IFI44: variants seen among roughly 807,000 people sequenced by gnomAD.
IFI44 encodes the protein interferon-induced protein 44.
IFI44 carries 42 observed loss-of-function variants against 45.0 expected under a neutral mutation model. That is an observed-to-expected ratio of 0.93 (90% CI 0.73 to 1.21). IFI44 has a LOEUF of 1.21. Ranked by LOEUF, IFI44 falls within the 50% of genes most tolerant of loss-of-function variation. The probability of loss-of-function intolerance (pLI) is 0.00; values close to 1 mark genes in which losing one functional copy is unlikely to be tolerated. For synonymous variants in IFI44, 221 were observed against 188.6 expected, an observed-to-expected ratio of 1.17 and a Z score of -1.41; for missense variants, 623 against 525.8, an observed-to-expected ratio of 1.18 and a Z score of -1.81.
Position 78,662,889 on chromosome 1 carries a change from T to C in IFI44, c.1288+11T>C. On this transcript the variant is annotated intron_variant, in intron 8 of 8. Transcript: ENST00000370747. ...CTTTTGAGCAAATAGGTAGATGGTT[T>C]GGTGGTGTGGAAGCTTGGAAGCGGT... is the stretch of plus-strand genomic sequence containing the variant. The C allele has an allele frequency of 6.2e-7, 1 of 1,613,464 alleles. No homozygotes were observed. The highest frequency in any genetic ancestry group is 1.1e-5 in the South Asian group (1 of 91,052).
chr1:78,654,346 C>T lies in IFI44; in HGVS notation c.494+67C>T, dbSNP rs1417296891. On this transcript the variant is annotated intron_variant, in intron 3 of 8. Transcript: ENST00000370747. ...CTTTGACTTATTCTATGATAGGTCT[C>T]ATCAATATAATTGGCAACACATATT... 5 of 832,148 alleles carry T rather than the reference C, an allele frequency of 6.0e-6. No homozygotes were observed. The East Asian group carries it at 1.3e-4, about 21-fold the overall frequency. 51.5% of individuals were successfully genotyped at this position (832,148 alleles called of 1,614,324 possible).
intron 2 of IFI44, among the ~76,000 whole-genome samples, chr1:78,653,986 T>C (rs895798465): frequency 1.3e-5 from 2 of 152,128 alleles, no homozygotes; most frequent in Non-Finnish European, 2.9e-5. Context: ...TACTGTTGAG[T>C]AATTGAATGA....
At chr1:78,658,000 T>C (rs1647264800) in intron 5 of IFI44, among the ~76,000 whole-genome samples, 2 of 152,074 alleles carry the variant, frequency 1.3e-5, no homozygotes, top group South Asian at 4.1e-4. Flanking sequence ...GTGTGGGGCA[T>C]TAGAAATGCT....
At chr1:78,663,077 T>C in intron 8 of IFI44, 199 bp downstream of exon 8, 1 of 985,348 alleles carries the variant, frequency 1.0e-6, no homozygotes, top group South Asian at 4.7e-5. Flanking sequence ...TACTAGAGAA[T>C]CTGCACTATG....
At chr1:78,656,537 C>A (rs1297015946) in intron 5 of IFI44, among the ~76,000 whole-genome samples, 1 of 151,968 alleles carries the variant, frequency 6.6e-6, no homozygotes, top group African/African-American at 2.4e-5. Flanking sequence ...ACTATATTAT[C>A]TAATTGCTTT....
At chr1:78,663,529 C>T in intron 8 of IFI44, 1 of 984,884 alleles carries the variant, frequency 1.0e-6, no homozygotes, top group South Asian at 4.7e-5. Flanking sequence ...GAAATCAATT[C>T]AGAATATCAC....
At position 78,662,812 on chromosome 1, in the gene IFI44, T is replaced by C; in HGVS notation, c.1222T>C (p.Ser408Pro). The C allele has an allele frequency of 6.2e-7, 1 of 1,613,986 alleles. No individual in the cohort carries two copies. Among genetic ancestry groups the C allele is most frequent in the Non-Finnish European group, 8.5e-7 (1 of 1,179,912 alleles). Residue 408 changes from serine to proline, a missense_variant, in exon 8 of 9, where the codon TCT (serine) becomes CCT (proline). By Grantham distance (74) the Ser-to-Pro change is moderately conservative (BLOSUM62 -1). Coordinates refer to ENST00000370747, the MANE Select transcript of IFI44 (RefSeq NM_006417.5). ...CCCTGTAAAGGATGTTCTAATTCTT[T>C]CTGCTCTGAGACGAATGCTATGGGC... ...LDPVKDVLIL[S>P]ALRRMLWAAD... is the part of the protein sequence containing the mutation.
Position 78,659,293 on chromosome 1 carries a change from C to T in IFI44, c.841-19C>T. 1 of 1,589,000 alleles carries T rather than the reference C, an allele frequency of 6.3e-7. No individual in the cohort carries two copies. ...AAATATTTGTTGAATTAATATCTTGCTTTATGTCTACCTTACAGTTTAATC... is the reference window on the plus strand; with the variant it reads ...AAATATTTGTTGAATTAATATCTTGTTTTATGTCTACCTTACAGTTTAATC... On this transcript the variant is annotated intron_variant, in intron 5 of 8. Coordinates refer to ENST00000370747, the MANE Select transcript of IFI44 (RefSeq NM_006417.5).
At chr1:78,651,115 C>T (rs867516228) in intron 2 of IFI44, among the ~76,000 whole-genome samples, 2 of 152,152 alleles carry the variant, frequency 1.3e-5, no homozygotes, top group Non-Finnish European at 2.9e-5. Flanking sequence ...CACCAGGGAC[C>T]AGTTTCGTGG....
Position 78,650,495 on chromosome 1 carries a change from G to C in IFI44, c.300G>C (p.Leu100=), listed in dbSNP as rs940622382. 4 of 1,614,018 alleles carry C rather than the reference G, an allele frequency of 2.5e-6. No individual in the cohort carries two copies. The highest frequency in any genetic ancestry group is 2.2e-5 in the East Asian group (1 of 44,852). ...TAGGACTATGTACACCAGAAACACT[G>C]TTTTGTTGTGATGTTACAAAATATA... ...WKLGLCTPET[L]FCCDVTKYNS... The change falls in exon 2 of 9, where the codon CTG becomes CTC. Residue 100 remains leucine (L), a synonymous_variant. Coordinates refer to ENST00000370747, the MANE Select transcript of IFI44 (RefSeq NM_006417.5).
chr1:78,657,610 C>A (rs1450269552), intron 5 of IFI44, among the ~76,000 whole-genome samples: 1 of 152,052 alleles, frequency 6.6e-6, no homozygotes, highest in African/African-American at 2.4e-5. Context: ...ATTCTTTCAC[C>A]ATTTCACATA....
At chr1:78,657,382 G>A (rs1647239759) in intron 5 of IFI44, among the ~76,000 whole-genome samples, 1 of 151,958 alleles carries the variant, frequency 6.6e-6, no homozygotes, top group African/African-American at 2.4e-5. Flanking sequence ...ATCCCTCGGG[G>A]TAGTTTTACA....
chr1:78,657,295 C>A (rs1169261902), intron 5 of IFI44, among the ~76,000 whole-genome samples: 1 of 151,958 alleles, frequency 6.6e-6, no homozygotes, highest in Non-Finnish European at 1.5e-5. Context: ...ATATCCCTTG[C>A]TTTTTCCTTA....
chr1:78,661,886 G>A (rs1444533477), intron 7 of IFI44, among the ~76,000 whole-genome samples: 2 of 152,180 alleles, frequency 1.3e-5, no homozygotes, highest in Non-Finnish European at 2.9e-5. Context: ...AAGTCAGCAT[G>A]TTTGGGAAAT....
chr1:78,650,863 C>G (rs1448986831), intron 2 of IFI44, among the ~76,000 whole-genome samples: 1 of 152,140 alleles, frequency 6.6e-6, no homozygotes, highest in African/African-American at 2.4e-5. Context: ...AAGATTTATC[C>G]TCTTAGCACA....
intron 1 of IFI44, 42 bp downstream of exon 1, chr1:78,649,947 GTCTC>G: frequency 2.9e-6 from 1 of 343,460 alleles, no homozygotes; most frequent in Non-Finnish European, 5.3e-6. Flanking sequence ...GCTAGCATTA[GTCTC>G]TCTCTGTCTC....
At chr1:78,652,143 A>G (rs879584462) in intron 2 of IFI44, among the ~76,000 whole-genome samples, 17 of 152,010 alleles carry the variant, frequency 1.1e-4, no homozygotes, top group Non-Finnish European at 2.1e-4. Flanking sequence ...GCGCAGTGGC[A>G]TGATCTCAGC....
intron 8 of IFI44, 69 bp from the exon 9 acceptor site, chr1:78,663,695 AT>A (rs1647602578): frequency 1.3e-6 from 2 of 1,584,150 alleles, no homozygotes; most frequent in East Asian, 4.5e-5. Context: ...CAGTGGTCCA[AT>A]ATTCCTCTTC....
In IFI44 at chr1:78,650,314, T is replaced by C. The variant is rs1434470165; in HGVS notation, c.119T>C (p.Leu40Ser). Reference sequence around the variant, plus strand: ...GTCCATGGATTCCGTAATGGAGTTTTGCTTGACAGATGTTGTAATCAAGGG... The same window carrying C: ...GTCCATGGATTCCGTAATGGAGTTTCGCTTGACAGATGTTGTAATCAAGGG... Reference protein sequence around the residue: ...GSVHGFRNGVLLDRCCNQGPT... With the variant: ...GSVHGFRNGVSLDRCCNQGPT... The change falls in exon 2 of 9, where the codon TTG (leucine) becomes TCG (serine). Residue 40 changes from leucine to serine, a missense_variant. Transcript: ENST00000370747. The C allele has an allele frequency of 6.2e-7, 1 of 1,613,986 alleles. No homozygotes were observed. The highest frequency in any genetic ancestry group is 8.5e-7 in the Non-Finnish European group (1 of 1,179,978).
Sources: gnomAD v4.1 joint callset for allele counts (sites outside exome capture counted in the v4.1 genomes callset) on GRCh38, gnomAD v4.1.1 for gene constraint, MANE v1.5 for transcripts, NCBI Gene and HGNC (gene_info 2026-07-23, HGNC 2026-07-21) for gene names.